MUC7: variants seen among roughly 807,000 people sequenced by gnomAD.
The protein encoded by MUC7 is mucin 7, secreted, also known as mucin-7.
MUC7 carries 2 observed loss-of-function variants against 2.5 expected under a neutral mutation model. That is an observed-to-expected ratio of 0.81 (90% CI 0.33 to 2.55). The LOEUF (loss-of-function observed/expected upper bound fraction) is 2.55. Among genes scored for constraint, MUC7 ranks in the 30% most tolerant of loss-of-function variants. The pLI is 0.11. For missense variants in MUC7, 408 were observed against 455.6 expected (o/e 0.90, Z 0.95); for synonymous variants, 133 against 173.4 (o/e 0.77, Z 1.83).
rs1735211559 is a variant in MUC7 at position 70,481,951 on chromosome 4, T to C, written c.*73T>C. The C allele has an allele frequency of 6.7e-7, 1 of 1,485,268 alleles. No homozygotes were observed. Among genetic ancestry groups the C allele is most frequent in the South Asian group, 1.3e-5 (1 of 76,274 alleles). The allele number at this position is 1,485,268 out of a possible 1,614,324, so 92.0% of individuals were successfully genotyped here. A position where few individuals can be genotyped will look rare whatever the true frequency, so the allele number is the denominator to read the frequency against. Reference sequence around the variant, plus strand: ...TGAGTGCAGAACTACCACCTTTCTTTTAGCACCAATCCCAACATGAAATTA... The same window carrying C: ...TGAGTGCAGAACTACCACCTTTCTTCTAGCACCAATCCCAACATGAAATTA... On this transcript the variant is annotated 3_prime_UTR_variant, in exon 3 of 3. Transcript: ENST00000304887.
At chr4:70,470,559 G>C (rs1182368730), upstream of MUC7, among the ~76,000 whole-genome samples, 1 of 152,000 alleles carries the variant, frequency 6.6e-6, no homozygotes, top group African/African-American at 2.4e-5. Flanking sequence ...CATTATTTAG[G>C]ACTGAGGATA....
At chr4:70,445,493 T>C (rs979060128) in intron 1 of MUC7, among the ~76,000 whole-genome samples, 2 of 152,186 alleles carry the variant, frequency 1.3e-5, no homozygotes, top group Non-Finnish European at 2.9e-5. Flanking sequence ...CCACCACTTA[T>C]TCAATAGAAA....
chr4:70,434,154 T>C (rs544708244), intron 1 of MUC7, among the ~76,000 whole-genome samples: 1 of 152,316 alleles, frequency 6.6e-6, no homozygotes, highest in East Asian at 1.9e-4. Context: ...TGCATCAATG[T>C]TCATTAGCAA....
In MUC7 at chr4:70,481,603, C is replaced by T. The variant is rs747051368; in HGVS notation, c.859C>T (p.Pro287Ser). 1 of 1,612,578 alleles carries T rather than the reference C, an allele frequency of 6.2e-7. No individual in the cohort carries two copies. The highest frequency in any genetic ancestry group is 1.7e-5 in the Admixed American group (1 of 59,926). Reference sequence around the variant, plus strand: ...AGAGACCACAGCTGCCCCACCCACACCTTCTGCAACTACACCAGCTCCACC... The same window carrying T: ...AGAGACCACAGCTGCCCCACCCACATCTTCTGCAACTACACCAGCTCCACC... ...PPETTAAPPTPSATTPAPPSS... is the reference protein window; with the variant it reads ...PPETTAAPPTSSATTPAPPSS... Residue 287 changes from proline (P) to serine (S), a missense_variant, in exon 3 of 3, where the codon CCT (proline) becomes TCT (serine). Physicochemically the swap from Pro to Ser is moderately conservative, Grantham distance 74. Transcript: ENST00000304887.
intron 2 of MUC7, among the ~76,000 whole-genome samples, chr4:70,480,407 G>A (rs1735130622): frequency 6.6e-6 from 1 of 152,222 alleles, no homozygotes; most frequent in South Asian, 2.1e-4. Flanking sequence ...TCAGTTGAAT[G>A]TCTTTGACTA....
chr4:70,480,370 G>A (rs922814377), intron 2 of MUC7, among the ~76,000 whole-genome samples: 5 of 152,144 alleles, frequency 3.3e-5, no homozygotes, highest in African/African-American at 1.2e-4. Flanking sequence ...GATATGAGGG[G>A]TGTAATCTAG....
chr4:70,445,921 A>T (rs895957014), intron 1 of MUC7, among the ~76,000 whole-genome samples: 1 of 152,188 alleles, frequency 6.6e-6, no homozygotes, highest in Non-Finnish European at 1.5e-5. Flanking sequence ...AAAATGCTTC[A>T]CCCCAGACAT....
rs148988726 is a variant in MUC7, at chr4:70,474,797, G to A, written c.54+722G>A. Among the ~76,000 whole-genome samples the A allele has an allele frequency of 4.5e-3, 691 of 152,252 alleles. 7 individuals are homozygous for A. Among genetic ancestry groups the A allele is most frequent in the African/African-American group, 0.016 (667 of 41,548 alleles). On this transcript the variant is annotated intron_variant, in intron 2 of 2. Transcript: ENST00000304887. The stretch of plus-strand genomic sequence containing the variant: ...GATTTACATGACAGGATTCTCAGGA[G>A]AAGATAGGTAGCAGGTAACAAAAGC...
chr4:70,454,129 C>T (rs1158063680), intron 1 of MUC7, among the ~76,000 whole-genome samples: 1 of 152,110 alleles, frequency 6.6e-6, no homozygotes, highest in Non-Finnish European at 1.5e-5. Flanking sequence ...GTGGCACAGG[C>T]TCTCCATTAG....
intron 1 of MUC7, among the ~76,000 whole-genome samples, chr4:70,462,367 A>T (rs1734577104): frequency 6.6e-6 from 1 of 152,236 alleles, no homozygotes; most frequent in South Asian, 2.1e-4. Flanking sequence ...AGCGTTATTA[A>T]GAAAATTTCA....
In MUC7 at chr4:70,473,443, CAA is replaced by C. The variant is rs60361215; in HGVS notation, c.-15-551_-15-550del. 3.6e-4 allele frequency among the ~76,000 whole-genome samples: 45 copies of C among 126,686 alleles called. 2 individuals are homozygous for C. The South Asian group carries it at 4.9e-3, about 14-fold the overall frequency. The allele number at this position is 126,686 out of a possible 152,430, so 83.1% of individuals were successfully genotyped here. The stretch of plus-strand genomic sequence containing the variant: ...TGGACAACAGAGCGAGACTCTGTCT[CAA>C]AAAAAAAAAAAAGGTACAAGAAAAA... On this transcript the variant is annotated intron_variant, in intron 1 of 2. Transcript: ENST00000304887.
intron 2 of MUC7, among the ~76,000 whole-genome samples, chr4:70,475,004 C>T (rs573219453): frequency 3.3e-5 from 5 of 152,182 alleles, no homozygotes; most frequent in African/African-American, 9.6e-5. Flanking sequence ...ACAGGCCGGG[C>T]GCGGTGGCTC....
rs141563775 is a variant in MUC7, at chr4:70,454,047, CT to C, written c.-92-18167del. On this transcript the variant is annotated intron_variant, in intron 1 of 3. Transcript: ENST00000413702. ...AGACAAAATCCTCTTTACTCTTCCC[CT>C]CTCCTCTTCTCAAGCAGAATAAAGG... Among the ~76,000 whole-genome samples the C allele has an allele frequency of 3.2e-3, 492 of 152,070 alleles. 5 individuals carry two copies. The highest frequency in any genetic ancestry group is 0.011 in the African/African-American group (475 of 41,486).
chr4:70,453,816 C>T (rs1734351282), intron 1 of MUC7, among the ~76,000 whole-genome samples: 1 of 152,068 alleles, frequency 6.6e-6, no homozygotes, highest in Admixed American at 6.5e-5. Flanking sequence ...CTTGGTATTG[C>T]TGCTGGTTAT....
At chr4:70,433,815 G>T (rs910385479) in intron 1 of MUC7, among the ~76,000 whole-genome samples, 2 of 152,172 alleles carry the variant, frequency 1.3e-5, no homozygotes, top group African/African-American at 4.8e-5. Context: ...TTTTCAAAGG[G>T]AATGCTTCCA....
At chr4:70,431,251 T>C (rs1380454157) in intron 1 of MUC7, among the ~76,000 whole-genome samples, 1 of 138,530 alleles carries the variant, frequency 7.2e-6, no homozygotes, top group Non-Finnish European at 1.6e-5. Flanking sequence ...CTTTGTATTG[T>C]ATTTACTTTT....
intron 1 of MUC7, among the ~76,000 whole-genome samples, chr4:70,458,942 G>A (rs1467410793): frequency 2.6e-5 from 4 of 152,000 alleles, no homozygotes; most frequent in African/African-American, 9.7e-5. Context: ...AATAAGCAGG[G>A]AAATGTTCGA....
intron 1 of MUC7, among the ~76,000 whole-genome samples, chr4:70,431,578 A>G (rs1202825403): frequency 6.6e-6 from 1 of 152,154 alleles, no homozygotes; most frequent in Non-Finnish European, 1.5e-5. Context: ...TCAAGGTTAT[A>G]TCACAATTCT....
chr4:70,480,742 A>C, intron 2 of MUC7, 57 bp from the exon 3 acceptor site: 1 of 1,562,782 alleles, frequency 6.4e-7, no homozygotes, highest in Non-Finnish European at 8.7e-7. Flanking sequence ...AGCAGTGATC[A>C]CCTGATTGAT....
Sources: gnomAD v4.1 joint callset for allele counts (sites outside exome capture counted in the v4.1 genomes callset) on GRCh38, gnomAD v4.1.1 for gene constraint, MANE v1.5 for transcripts, NCBI Gene and HGNC (gene_info 2026-07-23, HGNC 2026-07-21) for gene names.